The following ADCY8 variants were observed in gnomAD, a reference collection of about 807,000 sequenced individuals.
The protein encoded by ADCY8 is adenylate cyclase 8, also known as adenylate cyclase type 8.
A neutral mutation model predicts 119.7 loss-of-function variants in ADCY8; 51 were observed. The observed-to-expected ratio is 0.43, with a 90% CI of 0.34 to 0.54. The LOEUF (loss-of-function observed/expected upper bound fraction) is 0.54, where lower values mean the gene tolerates loss of function less well. ADCY8 is among the 20% of genes least tolerant of loss of function. The probability of loss-of-function intolerance (pLI) is 0.03; values close to 1 mark genes in which losing one functional copy is unlikely to be tolerated. For synonymous variants in ADCY8, 665 were observed against 651.0 expected (o/e 1.02, Z -0.33); for missense variants, 1,383 against 1,598.8 (o/e 0.87, Z 2.30).
At chr8:130,954,956 A>C (rs1031100299) in intron 2 of ADCY8, among the ~76,000 whole-genome samples, 1 of 152,214 alleles carries the variant, frequency 6.6e-6, no homozygotes, top group African/African-American at 2.4e-5. Flanking sequence ...ATGAGGGACG[A>C]GTTTCTAAGG....
At chr8:131,035,683 G>A (rs547583163) in intron 1 of ADCY8, among the ~76,000 whole-genome samples, 1 of 152,212 alleles carries the variant, frequency 6.6e-6, no homozygotes, top group South Asian at 2.1e-4. Context: ...ATTAAAGGAA[G>A]GCAATCATTG....
chr8:131,000,659 TG>T (rs1822914689), intron 1 of ADCY8, among the ~76,000 whole-genome samples: 1 of 152,106 alleles, frequency 6.6e-6, no homozygotes, highest in African/African-American at 2.4e-5. Flanking sequence ...TCCCTGGTAA[TG>T]GGAGCCAGAG....
chr8:130,847,598 T>C, intron 10 of ADCY8, 85 bp from the exon 11 acceptor site: 9 of 1,164,082 alleles, frequency 7.7e-6, no homozygotes, highest in East Asian at 7.3e-5. Flanking sequence ...AATGGAGCAG[T>C]GTGCTATCAG....
At position 130,836,322 on chromosome 8, in the gene ADCY8, T is replaced by C. The variant is rs748482672; in HGVS notation, c.2630A>G (p.Tyr877Cys). 4.3e-6 allele frequency: 7 copies of C among 1,613,964 alleles called. No homozygotes were observed. Among genetic ancestry groups the C allele is most frequent in the Non-Finnish European group, 5.9e-6 (7 of 1,179,886 alleles). ...AIYALLTETV[Y>C]AGLFLRYDNL... ...GTCATAACGCAGAAAGAGGCCTGCG[T>C]AGACGGTCTCAGTGAGCAGGGCATA... The change falls in exon 12 of 18, where the codon TAC becomes TGC. Residue 877 changes from tyrosine to cysteine, a missense_variant. This residue lies in a region of ADCY8 where 928 missense variants were observed against 1,163.5 expected (regional missense o/e 0.80). Coordinates refer to ENST00000286355, the MANE Select transcript of ADCY8 (RefSeq NM_001115.3).
chr8:130,813,933 T>C (rs565433007), intron 14 of ADCY8, 136 bp downstream of exon 14: 513 of 1,071,008 alleles, frequency 4.8e-4, no homozygotes, highest in Non-Finnish European at 5.3e-4. Context: ...GTAAATTTCA[T>C]AGTGTTAGGA....
chr8:131,039,495 G>A lies in ADCY8; in HGVS notation c.839C>T (p.Ala280Val). 2 of 1,614,068 alleles carry A rather than the reference G, an allele frequency of 1.2e-6. No individual in the cohort carries two copies. Among genetic ancestry groups the A allele is most frequent in the Non-Finnish European group, 1.7e-6 (2 of 1,180,042 alleles). Residue 280 changes from alanine to valine, a missense_variant, in exon 1 of 18, where the codon GCC becomes GTC. By Grantham distance (64) the Ala-to-Val change is moderately conservative. Transcript: ENST00000286355. ...GIGYVLFTLF[A>V]TYSMLPLPLT... The stretch of plus-strand genomic sequence containing the variant: ...CGGCAGCGGCAGCATACTGTAGGTG[G>A]CGAAGAGCGTGAAGAGCACGTAGCC...
intron 1 of ADCY8, among the ~76,000 whole-genome samples, chr8:131,029,854 G>A (rs1389458709): frequency 6.7e-6 from 1 of 150,208 alleles, no homozygotes; most frequent in African/African-American, 2.5e-5. Context: ...ATGTGTGTGT[G>A]TGGGTGGGGG....
chr8:130,811,564 C>T (rs539274974), intron 14 of ADCY8, among the ~76,000 whole-genome samples: 6 of 152,150 alleles, frequency 3.9e-5, no homozygotes, highest in South Asian at 2.1e-4. Flanking sequence ...CCTGGAAGAG[C>T]GGTATTATCC....
chr8:131,023,598 G>C (rs1469620527), intron 1 of ADCY8, among the ~76,000 whole-genome samples: 1 of 152,102 alleles, frequency 6.6e-6, no homozygotes. Flanking sequence ...AAAATCTTTT[G>C]TTCGTCCTAT....
chr8:130,875,913 T>C (rs907386025), intron 8 of ADCY8, among the ~76,000 whole-genome samples: 19 of 152,350 alleles, frequency 1.2e-4, no homozygotes, highest in Admixed American at 1.3e-4. Context: ...ATTAAATGAA[T>C]GTTTTTGAAA....
intron 5 of ADCY8, among the ~76,000 whole-genome samples, chr8:130,933,088 A>G (rs894440108): frequency 6.6e-6 from 1 of 152,220 alleles, no homozygotes; most frequent in African/African-American, 2.4e-5. Context: ...AGAAAATGCC[A>G]GAAATAGGGA....
At chr8:130,892,143 CAG>C (rs1457520919) in intron 7 of ADCY8, 3 of 152,050 alleles carry the variant, frequency 2.0e-5, no homozygotes, top group Admixed American at 1.3e-4. Flanking sequence ...AACGATATAA[CAG>C]GGGTCAGAAT....
At chr8:130,847,225 G>A (rs1415995081) in intron 11 of ADCY8, among the ~76,000 whole-genome samples, 199 bp downstream of exon 11, 6 of 151,688 alleles carry the variant, frequency 4.0e-5, no homozygotes, top group Non-Finnish European at 8.8e-5. Flanking sequence ...ACAGGAAAGA[G>A]GACTGGGAAA....
At chr8:130,800,326 A>T in intron 15 of ADCY8, 100 bp downstream of exon 15, 2 of 1,121,038 alleles carry the variant, frequency 1.8e-6, no homozygotes, top group Non-Finnish European at 2.5e-6. Context: ...GAATTCCGTT[A>T]AGTGCAAAAA....
intron 11 of ADCY8, among the ~76,000 whole-genome samples, chr8:130,839,375 C>T (rs1033368566): frequency 7.2e-6 from 1 of 139,504 alleles, no homozygotes; most frequent in Non-Finnish European, 1.6e-5. Context: ...TAACTTTTTA[C>T]TTTAAAGTAG....
chr8:131,013,600 T>C (rs966629822), intron 1 of ADCY8, among the ~76,000 whole-genome samples: 4 of 152,198 alleles, frequency 2.6e-5, no homozygotes, highest in African/African-American at 9.6e-5. Flanking sequence ...CCATAGCAGA[T>C]GGCAGTGTCA....
intron 2 of ADCY8, among the ~76,000 whole-genome samples, chr8:130,971,375 T>G (rs1335297559): frequency 6.6e-6 from 1 of 152,186 alleles, no homozygotes; most frequent in Non-Finnish European, 1.5e-5. Flanking sequence ...TTGATACACA[T>G]AGAGAACCCA....
At chr8:130,964,870 C>T (rs897532049) in intron 2 of ADCY8, among the ~76,000 whole-genome samples, 6 of 152,154 alleles carry the variant, frequency 3.9e-5, no homozygotes, top group Non-Finnish European at 8.8e-5. Context: ...GCCATTCTTA[C>T]TCGTGTGAGA....
intron 9 of ADCY8, among the ~76,000 whole-genome samples, chr8:130,857,499 C>G (rs982578052): frequency 6.6e-6 from 1 of 152,112 alleles, no homozygotes; most frequent in Non-Finnish European, 1.5e-5. Flanking sequence ...TGCCTCTGAC[C>G]CGTAGCATTT....
Sources: allele counts gnomAD v4.1 joint callset (sites outside exome capture counted in the v4.1 genomes callset), GRCh38; gene constraint gnomAD v4.1.1; regional missense constraint gnomAD v4.1.1; transcripts MANE v1.5; gene names NCBI Gene and HGNC (gene_info 2026-07-23, HGNC 2026-07-21).